The following FOXP2 variants were observed in gnomAD, a reference collection of about 807,000 sequenced individuals.
FOXP2 encodes the protein forkhead box protein P2.
A neutral mutation model predicts 115.8 loss-of-function variants in FOXP2; 12 were observed. That is an observed-to-expected ratio of 0.10 (90% CI 0.07 to 0.17). FOXP2 has a LOEUF of 0.17. FOXP2 is among the 10% of genes least tolerant of loss of function. The pLI is 1.00. For synonymous variants in FOXP2, 328 were observed against 297.7 expected, an observed-to-expected ratio of 1.10 and a Z score of -1.05; for missense variants, 629 against 843.5, an observed-to-expected ratio of 0.75 and a Z score of 3.15.
chr7:114,477,400 A>G (rs1326500675), intron 2 of FOXP2, among the ~76,000 whole-genome samples: 1 of 152,020 alleles, frequency 6.6e-6, no homozygotes. Flanking sequence ...AAATTAACAC[A>G]GCAACAGAAA....
chr7:114,585,564 A>T (rs941402365), intron 3 of FOXP2, among the ~76,000 whole-genome samples: 1 of 146,274 alleles, frequency 6.8e-6, no homozygotes, highest in Non-Finnish European at 1.5e-5. Flanking sequence ...AGTAAACGCT[A>T]CTATTAAAAA....
intron 1 of FOXP2, among the ~76,000 whole-genome samples, chr7:114,132,591 G>A (rs1450381268): frequency 6.8e-6 from 1 of 147,614 alleles, no homozygotes; most frequent in Non-Finnish European, 1.5e-5. Context: ...GTGAGAGAGA[G>A]AGAGAGAGAG....
At chr7:114,378,349 T>C (rs1792193161) in intron 2 of FOXP2, among the ~76,000 whole-genome samples, 1 of 152,100 alleles carries the variant, frequency 6.6e-6, no homozygotes, top group Non-Finnish European at 1.5e-5. Context: ...GGCTTCCTGC[T>C]AATTCTTTCG....
chr7:114,519,569 G>A (rs557537325), intron 2 of FOXP2, among the ~76,000 whole-genome samples: 111 of 152,224 alleles, frequency 7.3e-4, no homozygotes, highest in African/African-American at 2.4e-3. Flanking sequence ...AGTAAGTACA[G>A]CTTATTGTTC....
chr7:114,308,443 C>A (rs917788153), intron 2 of FOXP2, among the ~76,000 whole-genome samples: 1 of 152,014 alleles, frequency 6.6e-6, no homozygotes. Flanking sequence ...AGAGTAGAAT[C>A]CTAAATTTTC....
At chr7:114,093,989 T>C (rs930631832) in intron 1 of FOXP2, among the ~76,000 whole-genome samples, 1 of 152,144 alleles carries the variant, frequency 6.6e-6, no homozygotes, top group Non-Finnish European at 1.5e-5. Context: ...TTCTAATGGG[T>C]AAACTATGAA....
At chr7:114,514,582 C>T (rs1798237079) in intron 2 of FOXP2, among the ~76,000 whole-genome samples, 1 of 151,824 alleles carries the variant, frequency 6.6e-6, no homozygotes, top group South Asian at 2.1e-4. Context: ...ACAAATGACA[C>T]AATTTTCTTT....
chr7:114,129,966 A>G (rs1199895789), intron 1 of FOXP2, among the ~76,000 whole-genome samples: 2 of 152,204 alleles, frequency 1.3e-5, no homozygotes, highest in South Asian at 2.1e-4. Flanking sequence ...AAACATCACA[A>G]AATAAAACCT....
chr7:114,275,567 T>A (rs1380013488), intron 1 of FOXP2, among the ~76,000 whole-genome samples: 1 of 152,194 alleles, frequency 6.6e-6, no homozygotes, highest in Non-Finnish European at 1.5e-5. Context: ...TCTTTGCTTC[T>A]ATTGCCCATC....
intron 1 of FOXP2, among the ~76,000 whole-genome samples, chr7:114,267,342 C>T (rs1795918561): frequency 6.6e-6 from 1 of 152,124 alleles, no homozygotes; most frequent in Admixed American, 6.6e-5. Flanking sequence ...CTTTCATTTA[C>T]TATTCATTTA....
chr7:114,283,829 G>T (rs1796394490), intron 1 of FOXP2, among the ~76,000 whole-genome samples: 1 of 151,962 alleles, frequency 6.6e-6, no homozygotes, highest in Non-Finnish European at 1.5e-5. Flanking sequence ...CAGGTGTGTG[G>T]CTCACACCCG....
chr7:114,382,191 C>A (rs1277778869), intron 2 of FOXP2, among the ~76,000 whole-genome samples: 1 of 152,114 alleles, frequency 6.6e-6, no homozygotes, highest in African/African-American at 2.4e-5. Flanking sequence ...ATCTGGAGGA[C>A]AGTTGTCCAG....
intron 3 of FOXP2, among the ~76,000 whole-genome samples, chr7:114,611,107 A>G (rs943456236): frequency 6.6e-6 from 1 of 152,196 alleles, no homozygotes; most frequent in Non-Finnish European, 1.5e-5. Context: ...TCAAAAAGCT[A>G]GTGGTGGTAT....
At chr7:114,352,990 T>C (rs1268729381) in intron 2 of FOXP2, among the ~76,000 whole-genome samples, 2 of 152,130 alleles carry the variant, frequency 1.3e-5, no homozygotes, top group Non-Finnish European at 2.9e-5. Flanking sequence ...GAAGAGGATT[T>C]CTTACCCTGT....
chr7:114,510,284 G>C (rs928466537), intron 2 of FOXP2, among the ~76,000 whole-genome samples: 1 of 152,098 alleles, frequency 6.6e-6, no homozygotes, highest in African/African-American at 2.4e-5. Context: ...TTCCATGACT[G>C]ATATGCTATT....
chr7:114,494,423 A>C (rs1166884329), intron 2 of FOXP2, among the ~76,000 whole-genome samples: 3 of 152,214 alleles, frequency 2.0e-5, no homozygotes, highest in East Asian at 3.9e-4. Flanking sequence ...AGGCTCAAGC[A>C]ATCTTCCTAC....
chr7:114,691,282 G>C lies in FOXP2; in HGVS notation c.*1356G>C, dbSNP rs540747760. 16 of 451,508 alleles carry C rather than the reference G, an allele frequency of 3.5e-5. No individual in the cohort carries two copies. The highest frequency in any genetic ancestry group is 2.5e-4 in the South Asian group (16 of 63,748). 28.0% of individuals were successfully genotyped at this position (451,508 alleles called of 1,614,324 possible). A position where few individuals can be genotyped will look rare whatever the true frequency, so the allele number is the denominator to read the frequency against. ...TTAAGTTATAATGAAAAAACAAAAA[G>C]TAGGAACCAAACATAAAAGGTCTAG... On this transcript the variant is annotated 3_prime_UTR_variant, in exon 17 of 17. Coordinates refer to ENST00000350908, the MANE Select transcript of FOXP2 (RefSeq NM_014491.4).
At chr7:114,190,483 G>C (rs1193471691) in intron 1 of FOXP2, among the ~76,000 whole-genome samples, 5 of 152,142 alleles carry the variant, frequency 3.3e-5, no homozygotes, top group Admixed American at 6.5e-5. Context: ...GGGGCTCCCC[G>C]TCTTAGGCCT....
At chr7:114,145,164 C>T (rs752549192) in intron 1 of FOXP2, among the ~76,000 whole-genome samples, 8 of 151,972 alleles carry the variant, frequency 5.3e-5, no homozygotes, top group East Asian at 1.9e-4. Flanking sequence ...CTGTACAGTA[C>T]GAATAATAAT....
Sources: gnomAD v4.1 joint callset for allele counts (sites outside exome capture counted in the v4.1 genomes callset) on GRCh38, gnomAD v4.1.1 for gene constraint, MANE v1.5 for transcripts, NCBI Gene and HGNC (gene_info 2026-07-23, HGNC 2026-07-21) for gene names.